The following LARGE1 variants were observed in gnomAD, a reference collection of about 807,000 sequenced individuals.
LARGE1 encodes xylosyl- and glucuronyltransferase LARGE1.
Under a neutral mutation model 87.6 loss-of-function variants are expected in LARGE1, and 43 were observed. The ratio of observed to expected loss-of-function variants is 0.49; its 90% CI spans 0.38 to 0.63. The LOEUF (loss-of-function observed/expected upper bound fraction) is 0.63. Among genes scored for constraint, LARGE1 ranks in the 30% least tolerant of loss-of-function variants. LARGE1 has a pLI of 0.00. For missense variants in LARGE1, 802 were observed against 1,000.2 expected (o/e 0.80, Z 2.67); for synonymous variants, 434 against 394.6 (o/e 1.10, Z -1.18).
At chr22:33,182,835 T>C (rs886199822) in intron 11 of LARGE1, among the ~76,000 whole-genome samples, 2 of 152,142 alleles carry the variant, frequency 1.3e-5, no homozygotes, top group African/African-American at 4.8e-5. Flanking sequence ...AAGAGTTAAG[T>C]GTAACACCTG....
chr22:33,250,421 A>C (rs1251259230), intron 11 of LARGE1, among the ~76,000 whole-genome samples: 2 of 152,116 alleles, frequency 1.3e-5, no homozygotes, highest in Non-Finnish European at 2.9e-5. Context: ...GTTTTTTGTC[A>C]GTTCTTTTGG....
At chr22:33,798,149 G>A (rs1034670947) in intron 1 of LARGE1, among the ~76,000 whole-genome samples, 1 of 152,080 alleles carries the variant, frequency 6.6e-6, no homozygotes. Flanking sequence ...AATTTAGCCG[G>A]GCGTGATGGC....
At position 33,543,997 on chromosome 22, in the gene LARGE1, T is replaced by A. The variant is rs901067089; in HGVS notation, c.787+20851A>T. On this transcript the variant is annotated intron_variant, in intron 6 of 14. Transcript: ENST00000397394. The stretch of plus-strand genomic sequence containing the variant: ...CTTCTGGGAGTCTAGAATTTTGGTA[T>A]GTCCTAGAGAATGTCCACATAACCA... Among the ~76,000 whole-genome samples, 14 of 152,370 alleles carry A rather than the reference T, an allele frequency of 9.2e-5. 1 individual carries two copies. The highest frequency in any genetic ancestry group is 6.8e-3 in the Middle Eastern group (2 of 294).
intron 6 of LARGE1, among the ~76,000 whole-genome samples, chr22:33,482,649 G>T (rs2069377781): frequency 6.6e-6 from 1 of 151,950 alleles, no homozygotes. Flanking sequence ...GCCATGGTTT[G>T]GCCACCTATG....
chr22:33,531,799 AGG>A (rs1461608206), intron 6 of LARGE1, among the ~76,000 whole-genome samples: 1 of 152,218 alleles, frequency 6.6e-6, no homozygotes, highest in Non-Finnish European at 1.5e-5. Context: ...TAGGGTCTCA[AGG>A]ACCAAACTCA....
chr22:33,341,193 A>G (rs1298843794), intron 9 of LARGE1, among the ~76,000 whole-genome samples: 3 of 152,078 alleles, frequency 2.0e-5, no homozygotes, highest in East Asian at 1.9e-4. Context: ...AAGACACCCC[A>G]AAGTGCTCCC....
intron 2 of LARGE1, among the ~76,000 whole-genome samples, chr22:33,705,326 A>G (rs1374985551): frequency 6.6e-6 from 1 of 152,156 alleles, no homozygotes; most frequent in Non-Finnish European, 1.5e-5. Flanking sequence ...TGGAGACAGT[A>G]TTTCCCTGAA....
chr22:33,646,639 A>G (rs941059836), intron 3 of LARGE1, among the ~76,000 whole-genome samples: 4 of 151,784 alleles, frequency 2.6e-5, no homozygotes, highest in African/African-American at 4.8e-5. Context: ...GAATTCCTAT[A>G]TGACTGTTTT....
At chr22:33,155,801 T>A in the LARGE1 span, among the ~76,000 whole-genome samples, 233 of 152,190 alleles carry the variant, frequency 1.5e-3, 3 homozygotes, top group African/African-American at 5.5e-3. Context: ...GACCCTCCCA[T>A]CAAGGGCCAA....
chr22:33,599,664 C>T (rs1467567209), intron 5 of LARGE1, among the ~76,000 whole-genome samples: 1 of 152,148 alleles, frequency 6.6e-6, no homozygotes, highest in African/African-American at 2.4e-5. Flanking sequence ...GTCCTGTTTC[C>T]TATTACTTCA....
intron 5 of LARGE1, among the ~76,000 whole-genome samples, chr22:33,573,367 A>G (rs887920628): frequency 6.6e-6 from 1 of 152,120 alleles, no homozygotes; most frequent in African/African-American, 2.4e-5. Flanking sequence ...TGAACCCAGG[A>G]GGTGGGGGTT....
chr22:33,310,223 G>A (rs1218105013), intron 11 of LARGE1, among the ~76,000 whole-genome samples: 1 of 152,150 alleles, frequency 6.6e-6, no homozygotes, highest in East Asian at 1.9e-4. Flanking sequence ...TAGAGAGTAG[G>A]GCTCTGTGAG....
intron 11 of LARGE1, among the ~76,000 whole-genome samples, chr22:33,218,848 G>A (rs999376158): frequency 3.9e-5 from 6 of 152,140 alleles, no homozygotes; most frequent in South Asian, 2.1e-4. Context: ...GCATGGAAGC[G>A]GAACCTAACA....
At chr22:33,443,797 G>T (rs1012312247) in intron 6 of LARGE1, among the ~76,000 whole-genome samples, 14 of 152,142 alleles carry the variant, frequency 9.2e-5, no homozygotes, top group African/African-American at 3.1e-4. Context: ...CTTTGGAAAT[G>T]GGAAAAACTA....
At chr22:33,825,142 C>T (rs12157658) in intron 1 of LARGE1, among the ~76,000 whole-genome samples, 12,370 of 152,228 alleles carry the variant, frequency 0.081, 1,698 homozygotes, top group African/African-American at 0.28. Flanking sequence ...GTTTGCTCTG[C>T]AGAGAATGCT....
At chr22:33,667,316 G>C (rs369821183) in intron 2 of LARGE1, among the ~76,000 whole-genome samples, 7 of 152,196 alleles carry the variant, frequency 4.6e-5, no homozygotes, top group African/African-American at 1.4e-4. Context: ...AATGCAAACA[G>C]CATCAAATTC....
intron 7 of LARGE1, among the ~76,000 whole-genome samples, chr22:33,411,965 T>C (rs2147452562): frequency 6.6e-6 from 1 of 152,314 alleles, no homozygotes; most frequent in East Asian, 1.9e-4. Flanking sequence ...CTGTCAACAG[T>C]ACTTACTTTC....
intron 2 of LARGE1, among the ~76,000 whole-genome samples, chr22:33,760,661 C>G (rs1381882143): frequency 6.6e-6 from 1 of 152,216 alleles, no homozygotes; most frequent in Non-Finnish European, 1.5e-5. Flanking sequence ...GTGGCTCACA[C>G]TTGTAATCCC....
chr22:33,780,805 G>A (rs563411222), intron 1 of LARGE1, among the ~76,000 whole-genome samples: 22 of 152,320 alleles, frequency 1.4e-4, no homozygotes, highest in African/African-American at 5.1e-4. Context: ...TGTTCTTGCA[G>A]CCTTCAAAGT....
Sources: allele counts gnomAD v4.1 joint callset (sites outside exome capture counted in the v4.1 genomes callset), GRCh38; gene constraint gnomAD v4.1.1; transcripts MANE v1.5; gene names NCBI Gene and HGNC (gene_info 2026-07-23, HGNC 2026-07-21).